ZNF138: variants seen among roughly 807,000 people sequenced by gnomAD.
ZNF138 encodes zinc finger protein 138.
A neutral mutation model predicts 33.0 loss-of-function variants in ZNF138; 33 were observed. That is an observed-to-expected ratio of 1.00 (90% CI 0.76 to 1.34). The LOEUF is 1.34. ZNF138 is among the 40% of genes most tolerant of loss of function. The probability of loss-of-function intolerance (pLI) is 0.00; values close to 1 mark genes in which losing one functional copy is unlikely to be tolerated. For synonymous variants in ZNF138, 139 were observed against 120.4 expected, an observed-to-expected ratio of 1.15 and a Z score of -1.01; for missense variants, 360 against 370.8, an observed-to-expected ratio of 0.97 and a Z score of 0.24.
chr7:64,832,174 A>G lies in ZNF138; in HGVS notation c.932A>G (p.Glu311Gly). The G allele has an allele frequency of 1.2e-6, 2 of 1,609,722 alleles. No homozygotes were observed. Among genetic ancestry groups the G allele is most frequent in the Non-Finnish European group, 1.7e-6 (2 of 1,178,854 alleles). The change falls in exon 4 of 4, where the codon GAA becomes GGA. Residue 311 changes from glutamate to glycine, a missense_variant. Glu to Gly is a moderately conservative substitution (Grantham distance 98). Coordinates refer to ENST00000307355, the MANE Select transcript of ZNF138 (RefSeq NM_001271639.2). ...GGAGAGGAACCATACAAATGTGAGG[A>G]ATGTGGCAAAGCTTTTAACCTATCT... ...YTGEEPYKCE[E>G]CGKAFNLS
chr7:64,845,436 C>T, the ZNF138 span, among the ~76,000 whole-genome samples: 1 of 152,216 alleles, frequency 6.6e-6, no homozygotes, highest in Non-Finnish European at 1.5e-5. Context: ...TCCGGGTAGA[C>T]ACCCAATAGT....
chr7:64,827,274 G>A (rs960358483), intron 3 of ZNF138, among the ~76,000 whole-genome samples: 1 of 148,364 alleles, frequency 6.7e-6, no homozygotes, highest in African/African-American at 2.5e-5. Flanking sequence ...TTAAGACAGA[G>A]TCTCACTCTG....
chr7:64,820,983 G>C (rs1183524482), intron 3 of ZNF138, among the ~76,000 whole-genome samples: 1 of 148,792 alleles, frequency 6.7e-6, no homozygotes, highest in African/African-American at 2.5e-5. Flanking sequence ...CAACAGATTT[G>C]GTGTTTTTAA....
At chr7:64,836,094 G>C (rs1790357641), downstream of ZNF138, 1 of 152,132 alleles carries the variant, frequency 6.6e-6, no homozygotes, top group African/African-American at 2.4e-5. Flanking sequence ...TAAGCATCCT[G>C]GTCTGGTTAC....
chr7:64,838,405 A>G (rs1348560209), downstream of ZNF138, among the ~76,000 whole-genome samples: 1 of 4,264 alleles, frequency 2.3e-4, no homozygotes. Context: ...TGGCTAGGGC[A>G]CCGGCTGGCC....
At chr7:64,797,845 G>A (rs1199638330) in intron 1 of ZNF138, among the ~76,000 whole-genome samples, 1 of 152,208 alleles carries the variant, frequency 6.6e-6, no homozygotes, top group Non-Finnish European at 1.5e-5. Flanking sequence ...AGTTTAGGCA[G>A]ATAAAGGCTT....
intron 1 of ZNF138, among the ~76,000 whole-genome samples, chr7:64,801,022 G>A (rs1229553097): frequency 6.6e-6 from 1 of 152,080 alleles, no homozygotes; most frequent in African/African-American, 2.4e-5. Context: ...GGGGTCAGTG[G>A]TAATGTCCCT....
At chr7:64,824,933 C>G (rs545938429) in intron 3 of ZNF138, among the ~76,000 whole-genome samples, 39 of 151,660 alleles carry the variant, frequency 2.6e-4, no homozygotes, top group African/African-American at 8.9e-4. Context: ...CCTCTGTCTC[C>G]TGGGTTCAAG....
chr7:64,802,442 A>G (rs1294331669), intron 1 of ZNF138, among the ~76,000 whole-genome samples: 1 of 152,238 alleles, frequency 6.6e-6, no homozygotes, highest in Non-Finnish European at 1.5e-5. Context: ...TTGTCTATAG[A>G]ATGTACATTT....
In ZNF138 at chr7:64,831,994, A is replaced by G. The variant is rs1176913583; in HGVS notation, c.752A>G (p.Tyr251Cys). The G allele has an allele frequency of 4.3e-6, 7 of 1,613,598 alleles. No homozygotes were observed. The highest frequency in any genetic ancestry group is 1.3e-5 in the African/African-American group (1 of 74,912). ...ATAATTCGTACTGGAGAAAAACCCT[A>G]TAAATGTGCACACTGTGGCAAAGCC... is the stretch of plus-strand genomic sequence containing the variant. Reference protein sequence around the residue: ...HKIIRTGEKPYKCAHCGKAFK... With the variant: ...HKIIRTGEKPCKCAHCGKAFK... Residue 251 changes from tyrosine (Y) to cysteine (C), a missense_variant, in exon 4 of 4, where the codon TAT (tyrosine) becomes TGT (cysteine). Tyr to Cys is a radical substitution (Grantham distance 194). Transcript: ENST00000307355.
At chr7:64,813,027 G>GA (rs1042226653) in intron 1 of ZNF138, among the ~76,000 whole-genome samples, 5 of 151,672 alleles carry the variant, frequency 3.3e-5, no homozygotes, top group South Asian at 4.2e-4. Context: ...AAGGGTCTCT[G>GA]AAAAAAAATG....
At chr7:64,799,243 C>T (rs1024916113) in intron 1 of ZNF138, among the ~76,000 whole-genome samples, 2 of 150,690 alleles carry the variant, frequency 1.3e-5, no homozygotes, top group Admixed American at 6.6e-5. Flanking sequence ...CTCGGCTCAC[C>T]GCAACCTCTG....
intron 1 of ZNF138, among the ~76,000 whole-genome samples, chr7:64,804,127 A>G (rs1447856543): frequency 1.3e-5 from 2 of 152,212 alleles, no homozygotes; most frequent in Admixed American, 6.5e-5. Flanking sequence ...TTCTGCCTCC[A>G]AAGAAAGAAG....
chr7:64,847,621 T>C, the ZNF138 span, among the ~76,000 whole-genome samples: 1 of 152,148 alleles, frequency 6.6e-6, no homozygotes, highest in African/African-American at 2.4e-5. Context: ...CTTTGTCTTC[T>C]TTAACTGCTA....
At chr7:64,822,733 A>G (rs1789267901) in intron 3 of ZNF138, among the ~76,000 whole-genome samples, 5 of 152,124 alleles carry the variant, frequency 3.3e-5, no homozygotes. Flanking sequence ...CTTCTTTTTA[A>G]TGGATGTTTT....
At chr7:64,799,241 A>G (rs1182368851) in intron 1 of ZNF138, among the ~76,000 whole-genome samples, 1 of 151,730 alleles carries the variant, frequency 6.6e-6, no homozygotes, top group African/African-American at 2.4e-5. Flanking sequence ...ATCTCGGCTC[A>G]CCGCAACCTC....
chr7:64,838,773 G>A, the ZNF138 span, among the ~76,000 whole-genome samples: 7 of 152,118 alleles, frequency 4.6e-5, no homozygotes, highest in Admixed American at 2.0e-4. Flanking sequence ...GGGGTAAGAT[G>A]GAAGCCAAGG....
rs1008903450 is a variant in ZNF138 at position 64,822,191 on chromosome 7, T to C, written c.208+6538T>C. 9.2e-5 allele frequency among the ~76,000 whole-genome samples: 14 copies of C among 151,568 alleles called. 1 individual carries two copies. The highest frequency in any genetic ancestry group is 3.2e-4 in the African/African-American group (13 of 40,886). On this transcript the variant is annotated intron_variant, in intron 3 of 3. Transcript: ENST00000307355. ...ACCTTGGCCTCCCAAAGTGCTGGGA[T>C]TACAGGCGTGAGCCACCGTGCCTGG...
chr7:64,828,588 T>A (rs1275180861), intron 3 of ZNF138, among the ~76,000 whole-genome samples: 5 of 152,170 alleles, frequency 3.3e-5, no homozygotes, highest in African/African-American at 1.2e-4. Flanking sequence ...ACCTATTGGC[T>A]TTCACTAACA....
Sources: allele counts gnomAD v4.1 joint callset (sites outside exome capture counted in the v4.1 genomes callset), GRCh38; gene constraint gnomAD v4.1.1; transcripts MANE v1.5; gene names NCBI Gene and HGNC (gene_info 2026-07-23, HGNC 2026-07-21).